Variants in SMAP1 observed in about 807,000 individuals in gnomAD.
SMAP1 encodes the protein small ArfGAP 1, also known as stromal membrane-associated protein 1.
SMAP1 carries 24 observed loss-of-function variants against 58.5 expected under a neutral mutation model. The observed-to-expected ratio is 0.41, with a 90% CI of 0.30 to 0.58. The LOEUF (loss-of-function observed/expected upper bound fraction) is 0.58. Among genes scored for constraint, SMAP1 ranks in the 20% least tolerant of loss-of-function variants. The probability of loss-of-function intolerance (pLI) is 0.29; values close to 1 mark genes in which losing one functional copy is unlikely to be tolerated. For synonymous variants in SMAP1, 216 were observed against 196.6 expected (o/e 1.10, Z -0.82); for missense variants, 563 against 566.3 (o/e 0.99, Z 0.06).
chr6:70,701,568 A>G (rs908116813), intron 1 of SMAP1, among the ~76,000 whole-genome samples: 1 of 152,130 alleles, frequency 6.6e-6, no homozygotes, highest in African/African-American at 2.4e-5. Context: ...TCCTCTGGTT[A>G]AGGCTGGTAT....
chr6:70,771,619 G>T (rs1472432155), intron 3 of SMAP1, among the ~76,000 whole-genome samples: 1 of 152,184 alleles, frequency 6.6e-6, no homozygotes, highest in Admixed American at 6.5e-5. Flanking sequence ...GCGGTGTTGG[G>T]GTGGGAGTGA....
At chr6:70,789,532 C>T (rs541388811) in intron 4 of SMAP1, among the ~76,000 whole-genome samples, 4 of 150,026 alleles carry the variant, frequency 2.7e-5, no homozygotes, top group African/African-American at 4.9e-5. Context: ...TGTCTTTCTT[C>T]TTAAGTTTGT....
In SMAP1 at chr6:70,860,425, T is replaced by G; in HGVS notation, c.*91T>G. The G allele has an allele frequency of 6.8e-7, 1 of 1,469,598 alleles. No individual in the cohort carries two copies. The highest frequency in any genetic ancestry group is 9.1e-7 in the Non-Finnish European group (1 of 1,096,064). 91.0% of individuals were successfully genotyped at this position (1,469,598 alleles called of 1,614,324 possible). On this transcript the variant is annotated 3_prime_UTR_variant, in exon 11 of 11. Coordinates refer to ENST00000370455, the MANE Select transcript of SMAP1 (RefSeq NM_001044305.3). Reference sequence around the variant, plus strand: ...CCCTGTTTATTCATATGCATATTTTTTTTCTTTTTACCCATTTGTTCATAT... The same window carrying G: ...CCCTGTTTATTCATATGCATATTTTGTTTCTTTTTACCCATTTGTTCATAT...
chr6:70,714,283 CTGTT>C (rs1271486224), intron 1 of SMAP1, among the ~76,000 whole-genome samples: 1 of 151,756 alleles, frequency 6.6e-6, no homozygotes, highest in Non-Finnish European at 1.5e-5. Context: ...TAACTGTTTT[CTGTT>C]TGTTTTGTAG....
intron 4 of SMAP1, among the ~76,000 whole-genome samples, chr6:70,783,811 G>A (rs1392617440): frequency 2.0e-5 from 3 of 152,134 alleles, no homozygotes; most frequent in Non-Finnish European, 4.4e-5. Context: ...GTGAAAAGAC[G>A]AAATCTACGC....
chr6:70,744,277 A>G (rs537933552), intron 2 of SMAP1, among the ~76,000 whole-genome samples: 1 of 151,892 alleles, frequency 6.6e-6, no homozygotes, highest in African/African-American at 2.4e-5. Context: ...GCAACCCATC[A>G]ACTCGTAATT....
Position 70,725,093 on chromosome 6 carries a change from G to GT in SMAP1, c.119-7244dup, listed in dbSNP as rs745587315. Among the ~76,000 whole-genome samples, 3 of 47,778 alleles carry GT rather than the reference G, an allele frequency of 6.3e-5. 1 individual carries two copies. Among genetic ancestry groups the GT allele is most frequent in the African/African-American group, 7.3e-5 (1 of 13,736 alleles). 31.3% of individuals were successfully genotyped at this position (47,778 alleles called of 152,430 possible). A position where few individuals can be genotyped will look rare whatever the true frequency, so the allele number is the denominator to read the frequency against. ...GACTCCATATCCTAAATTAACCAGT[G>GT]TTTTTTTTTTTTTTTTTTTTTTTTT... On this transcript the variant is annotated intron_variant, in intron 1 of 10. Transcript: ENST00000370455.
At chr6:70,853,829 T>C (rs1308277139) in intron 8 of SMAP1, among the ~76,000 whole-genome samples, 3 of 152,228 alleles carry the variant, frequency 2.0e-5, no homozygotes, top group Non-Finnish European at 4.4e-5. Context: ...TGTCTAATAT[T>C]GTGTCTTTGG....
intron 3 of SMAP1, among the ~76,000 whole-genome samples, chr6:70,772,030 C>G (rs558725775): frequency 6.6e-6 from 1 of 152,280 alleles, no homozygotes; most frequent in East Asian, 1.9e-4. Flanking sequence ...GCAGGGTGCA[C>G]TTACATACAC....
chr6:70,812,917 T>C (rs1769453172), intron 6 of SMAP1, among the ~76,000 whole-genome samples: 1 of 152,132 alleles, frequency 6.6e-6, no homozygotes, highest in Non-Finnish European at 1.5e-5. Context: ...TACATCTCCT[T>C]CTAAATCTTT....
intron 2 of SMAP1, among the ~76,000 whole-genome samples, chr6:70,746,183 G>T (rs1220674762): frequency 6.6e-6 from 1 of 152,050 alleles, no homozygotes; most frequent in Non-Finnish European, 1.5e-5. Context: ...TTGCCTGATT[G>T]CCCTGGCCAG....
At chr6:70,737,225 T>C (rs909999795) in intron 2 of SMAP1, among the ~76,000 whole-genome samples, 3 of 152,238 alleles carry the variant, frequency 2.0e-5, no homozygotes, top group South Asian at 2.1e-4. Flanking sequence ...CACTGCAACC[T>C]TCACCTCCTG....
chr6:70,726,336 T>G (rs1768783180), intron 1 of SMAP1, among the ~76,000 whole-genome samples: 1 of 152,184 alleles, frequency 6.6e-6, no homozygotes, highest in Non-Finnish European at 1.5e-5. Context: ...TACCAGACAT[T>G]GTGCTGGGTA....
rs748921293 is a variant in SMAP1 at position 70,860,317 on chromosome 6, A to G, written c.1387A>G (p.Thr463Ala). ...SGSSSGQTLS[T>A]QLWK ...AAGCTCATCAGGTCAGACTCTCAGC[A>G]CACAACTGTGGAAATGAAAACTGCA... Residue 463 changes from threonine (T) to alanine (A), a missense_variant, in exon 11 of 11, where the codon ACA becomes GCA. Physicochemically the swap from Thr to Ala is moderately conservative, Grantham distance 58. Around this residue, in one of 3 missense-constraint regions of SMAP1, gnomAD observed 494 missense variants for 473.8 expected, o/e 1.04. Coordinates refer to ENST00000370455, the MANE Select transcript of SMAP1 (RefSeq NM_001044305.3). The G allele has an allele frequency of 1.9e-6, 3 of 1,610,218 alleles. No homozygotes were observed. The highest frequency in any genetic ancestry group is 2.5e-6 in the Non-Finnish European group (3 of 1,178,996).
chr6:70,677,432 C>CTTTTTTTTTTTTTT (rs58133069), intron 1 of SMAP1, among the ~76,000 whole-genome samples: 1 of 60,376 alleles, frequency 1.7e-5, no homozygotes, highest in African/African-American at 7.9e-5. Context: ...CTTGTCACTT[C>CTTTTTTTTTTTTTT]TTTTTTTTTT....
At chr6:70,780,016 T>C (rs909016184) in intron 4 of SMAP1, among the ~76,000 whole-genome samples, 8 of 152,190 alleles carry the variant, frequency 5.3e-5, no homozygotes, top group South Asian at 4.2e-4. Flanking sequence ...GTTGATGTAC[T>C]TCAACTGTAC....
intron 1 of SMAP1, among the ~76,000 whole-genome samples, chr6:70,692,864 A>G (rs566218087): frequency 2.5e-4 from 38 of 152,210 alleles, no homozygotes; most frequent in African/African-American, 4.1e-4. Flanking sequence ...GCTCACTGCA[A>G]TCTCCGCCTC....
chr6:70,826,877 G>C (rs541629023), intron 6 of SMAP1, among the ~76,000 whole-genome samples: 161 of 138,200 alleles, frequency 1.2e-3, no homozygotes, highest in African/African-American at 4.1e-3. Flanking sequence ...CTGCAGTATA[G>C]TGAACTGTGA....
In SMAP1 at chr6:70,788,380, A is replaced by G. The variant is rs188113781; in HGVS notation, c.415-3309A>G. On this transcript the variant is annotated intron_variant, in intron 4 of 10. Transcript: ENST00000370455. ...ACGAGTTAATGGGTGCAGCACACCAACATGGCACATGTATACATATGTAAC... is the reference window on the plus strand; with the variant it reads ...ACGAGTTAATGGGTGCAGCACACCAGCATGGCACATGTATACATATGTAAC... Among the ~76,000 whole-genome samples, 1,457 of 151,766 alleles carry G rather than the reference A, an allele frequency of 9.6e-3. 20 individuals carry two copies. The highest frequency in any genetic ancestry group is 0.033 in the African/African-American group (1,364 of 41,408).
Sources: allele counts gnomAD v4.1 joint callset (sites outside exome capture counted in the v4.1 genomes callset), GRCh38; gene constraint gnomAD v4.1.1; regional missense constraint gnomAD v4.1.1; transcripts MANE v1.5; gene names NCBI Gene and HGNC (gene_info 2026-07-23, HGNC 2026-07-21).